The following RIT2 variants were observed in gnomAD, a reference collection of about 807,000 sequenced individuals.
RIT2 encodes GTP-binding protein Rit2.
A neutral mutation model predicts 23.7 loss-of-function variants in RIT2; 24 were observed. The observed-to-expected ratio is 1.01, with a 90% CI of 0.73 to 1.43. RIT2 has a LOEUF of 1.43. Among genes scored for constraint, RIT2 ranks in the 40% most tolerant of loss-of-function variants. RIT2 has a pLI of 0.00. For missense variants in RIT2, 236 were observed against 266.9 expected (o/e 0.88, Z 0.81); for synonymous variants, 107 against 91.1 (o/e 1.17, Z -0.99).
At chr18:42,944,087 C>G (rs112731022) in intron 3 of RIT2, among the ~76,000 whole-genome samples, 1 of 152,106 alleles carries the variant, frequency 6.6e-6, no homozygotes. Context: ...CGTCCCTTCC[C>G]TACTTTGAAC....
At chr18:42,778,071 T>G (rs1315370186) in intron 4 of RIT2, among the ~76,000 whole-genome samples, 2 of 152,152 alleles carry the variant, frequency 1.3e-5, no homozygotes, top group African/African-American at 4.8e-5. Flanking sequence ...AATTTGCTAT[T>G]CAAAGCCCTC....
chr18:42,793,527 A>C (rs1914088781), intron 4 of RIT2, among the ~76,000 whole-genome samples: 1 of 152,208 alleles, frequency 6.6e-6, no homozygotes, highest in South Asian at 2.1e-4. Flanking sequence ...AAGGGAAATA[A>C]ATCTGGGGGA....
At chr18:43,113,969 T>C (rs1332559373) in intron 1 of RIT2, among the ~76,000 whole-genome samples, 1 of 152,176 alleles carries the variant, frequency 6.6e-6, no homozygotes, top group Non-Finnish European at 1.5e-5. Flanking sequence ...CTGACTGGAT[T>C]CTTGTAAAGT....
chr18:42,794,700 A>G (rs886182827), intron 4 of RIT2, among the ~76,000 whole-genome samples: 1 of 152,234 alleles, frequency 6.6e-6, no homozygotes, highest in Non-Finnish European at 1.5e-5. Context: ...GAGCTAATAA[A>G]AGTGATGGAA....
chr18:43,088,802 G>A (rs1025465167), intron 1 of RIT2, among the ~76,000 whole-genome samples: 3 of 151,988 alleles, frequency 2.0e-5, no homozygotes, highest in Admixed American at 2.0e-4. Flanking sequence ...GGACCTTATT[G>A]GAACATATCT....
At chr18:42,745,290 A>G (rs1319102223) in intron 4 of RIT2, among the ~76,000 whole-genome samples, 1 of 152,194 alleles carries the variant, frequency 6.6e-6, no homozygotes, top group Non-Finnish European at 1.5e-5. Flanking sequence ...CTAAGAAAAA[A>G]AACCTTCATT....
chr18:42,963,180 CT>C (rs1188484909), intron 3 of RIT2, among the ~76,000 whole-genome samples: 1 of 152,160 alleles, frequency 6.6e-6, no homozygotes, highest in Non-Finnish European at 1.5e-5. Context: ...CAACATATTT[CT>C]TTTCCAGGGC....
intron 4 of RIT2, among the ~76,000 whole-genome samples, chr18:42,783,718 C>A (rs191386541): frequency 3.3e-5 from 5 of 151,974 alleles, no homozygotes; most frequent in Admixed American, 6.6e-5. Flanking sequence ...TTTAATAGCT[C>A]ATTTTCCCTG....
chr18:42,822,987 G>C (rs1368323000), intron 4 of RIT2, among the ~76,000 whole-genome samples: 2 of 152,078 alleles, frequency 1.3e-5, no homozygotes, highest in African/African-American at 2.4e-5. Context: ...TTGAGACTGT[G>C]CCCAAGAAAA....
chr18:43,078,854 G>A lies in RIT2; in HGVS notation c.103+36563C>T, dbSNP rs139444459. ...CAGCTGCATCAATCTTCTGTCCAAG[G>A]GCATCTACAGAGTCCAGAGGGCTAG... On this transcript the variant is annotated intron_variant, in intron 1 of 4. Transcript: ENST00000326695. 2.7e-3 allele frequency among the ~76,000 whole-genome samples: 410 copies of A among 152,154 alleles called. 2 individuals are homozygous for A. Among genetic ancestry groups the A allele is most frequent in the Admixed American group, 3.6e-3 (55 of 15,276 alleles).
intron 4 of RIT2, among the ~76,000 whole-genome samples, chr18:42,914,778 C>T (rs2144122912): frequency 6.6e-6 from 1 of 151,964 alleles, no homozygotes; most frequent in East Asian, 1.9e-4. Context: ...CATGTATAAC[C>T]AGTGAAATAT....
chr18:43,112,616 T>C (rs1410083521), intron 1 of RIT2, among the ~76,000 whole-genome samples: 1 of 152,144 alleles, frequency 6.6e-6, no homozygotes, highest in African/African-American at 2.4e-5. Context: ...ACAAAAACAT[T>C]TCTCAGGCCA....
At chr18:42,825,448 A>C (rs1906268951) in intron 4 of RIT2, among the ~76,000 whole-genome samples, 1 of 151,864 alleles carries the variant, frequency 6.6e-6, no homozygotes, top group African/African-American at 2.4e-5. Context: ...ATTTTTCTTA[A>C]AGGAATAATG....
intron 1 of RIT2, among the ~76,000 whole-genome samples, chr18:43,072,809 A>G (rs967386879): frequency 8.5e-5 from 13 of 152,166 alleles, no homozygotes. Context: ...AATTGACACT[A>G]AAGGAAAAAC....
In RIT2 at chr18:42,771,765, T is replaced by C. The variant is rs940400882; in HGVS notation, c.427-28045A>G. On this transcript the variant is annotated intron_variant, in intron 4 of 4. Transcript: ENST00000326695. The stretch of plus-strand genomic sequence containing the variant: ...CTAATTAGCAGAGTTTTGTGCTTAT[T>C]GACTGGTAGCAATGTTATTCAGGGT... Among the ~76,000 whole-genome samples the C allele has an allele frequency of 2.6e-5, 4 of 152,310 alleles. No homozygotes were observed. In the South Asian group the frequency reaches 6.2e-4, roughly 24 times the overall value.
intron 4 of RIT2, among the ~76,000 whole-genome samples, chr18:42,881,777 T>C (rs373904467): frequency 6.6e-6 from 1 of 152,342 alleles, no homozygotes; most frequent in South Asian, 2.1e-4. Context: ...TTCAACATTA[T>C]GCTCATTATG....
chr18:42,746,781 A>G (rs1392843971), intron 4 of RIT2, among the ~76,000 whole-genome samples: 1 of 152,080 alleles, frequency 6.6e-6, no homozygotes, highest in Non-Finnish European at 1.5e-5. Context: ...ACATAACAAA[A>G]ACAGAATTTA....
chr18:43,046,252 A>C (rs192810389), intron 1 of RIT2, among the ~76,000 whole-genome samples: 4 of 152,060 alleles, frequency 2.6e-5, no homozygotes, highest in African/African-American at 9.7e-5. Context: ...AAAGATGTGG[A>C]GGTTAGGATC....
intron 3 of RIT2, among the ~76,000 whole-genome samples, chr18:42,926,845 G>A (rs1481510534): frequency 1.3e-5 from 2 of 151,954 alleles, no homozygotes; most frequent in Non-Finnish European, 2.9e-5. Context: ...ATGCTCAAGA[G>A]TGGTCTTTAT....
Sources: allele counts gnomAD v4.1 joint callset (sites outside exome capture counted in the v4.1 genomes callset), GRCh38; gene constraint gnomAD v4.1.1; transcripts MANE v1.5; gene names NCBI Gene and HGNC (gene_info 2026-07-23, HGNC 2026-07-21).